MCF2L2: variants seen among roughly 807,000 people sequenced by gnomAD.
MCF2L2 encodes MCF.2 cell line derived transforming sequence-like 2.
MCF2L2 carries 102 observed loss-of-function variants against 150.2 expected under a neutral mutation model. The observed-to-expected ratio is 0.68, with a 90% CI of 0.58 to 0.80. The LOEUF (loss-of-function observed/expected upper bound fraction) is 0.80. Ranked by LOEUF, MCF2L2 falls within the 30% of genes least tolerant of loss-of-function variation. MCF2L2 has a pLI of 0.00. For missense variants in MCF2L2, 1,256 were observed against 1,372.8 expected (o/e 0.91, Z 1.34); for synonymous variants, 465 against 491.3 (o/e 0.95, Z 0.71).
At chr3:183,208,113 G>T (rs1221918473) in intron 22 of MCF2L2, among the ~76,000 whole-genome samples, 2 of 152,170 alleles carry the variant, frequency 1.3e-5, no homozygotes, top group African/African-American at 4.8e-5. Context: ...TGATATTTTT[G>T]ACTCAATTTT....
chr3:183,188,635 G>A (rs1477190899), intron 27 of MCF2L2, among the ~76,000 whole-genome samples: 2 of 152,158 alleles, frequency 1.3e-5, no homozygotes, highest in Non-Finnish European at 2.9e-5. Context: ...TCACGTCTAT[G>A]GCTGATTCTC....
chr3:183,338,763 C>T (rs778880009), intron 5 of MCF2L2, 37 bp downstream of exon 5: 5 of 1,574,662 alleles, frequency 3.2e-6, no homozygotes, highest in Non-Finnish European at 4.3e-6. Flanking sequence ...AGCCAGAAGC[C>T]CTAACCAAAT....
intron 3 of MCF2L2, among the ~76,000 whole-genome samples, chr3:183,368,440 G>A (rs1185756545): frequency 2.0e-5 from 3 of 152,172 alleles, no homozygotes; most frequent in African/African-American, 7.2e-5. Context: ...GTAGGGTTCA[G>A]TAGTTGAGGT....
In MCF2L2 at chr3:183,223,422, AGTT is replaced by A; in HGVS notation, c.2222_2224del (p.Gln741del). 6.2e-7 allele frequency: 1 copy of A among 1,614,058 alleles called. No individual in the cohort carries two copies. The highest frequency in any genetic ancestry group is 8.5e-7 in the Non-Finnish European group (1 of 1,179,870). ...CTTAAAAAGAGGGAGATTGTGATCC[AGTT>A]GGCGCTGGCATACCTTTAAAAGCCA... On this transcript the variant is annotated inframe_deletion, in exon 20 of 30. Transcript: ENST00000328913.
intron 15 of MCF2L2, among the ~76,000 whole-genome samples, chr3:183,268,391 G>C (rs765903082): frequency 1.6e-4 from 25 of 152,128 alleles, no homozygotes; most frequent in Non-Finnish European, 3.1e-4. Flanking sequence ...GTGGAAGGTG[G>C]GCTGGCCAGG....
At chr3:183,262,560 A>C (rs1457726716) in intron 15 of MCF2L2, among the ~76,000 whole-genome samples, 1 of 152,024 alleles carries the variant, frequency 6.6e-6, no homozygotes, top group Non-Finnish European at 1.5e-5. Context: ...GTCTCCCCCT[A>C]GTCCCGGCCC....
chr3:183,402,879 T>C (rs1351902803), intron 1 of MCF2L2, among the ~76,000 whole-genome samples: 1 of 151,012 alleles, frequency 6.6e-6, no homozygotes, highest in Non-Finnish European at 1.5e-5. Flanking sequence ...TATATATATA[T>C]ATACGAAATT....
chr3:183,372,138 A>AT (rs1478107792), intron 3 of MCF2L2: 1 of 151,238 alleles, frequency 6.6e-6, no homozygotes. Flanking sequence ...CCTGAGATTT[A>AT]TTTTCCCTTC....
rs757523007 is a variant in MCF2L2, at chr3:183,309,718, G to C, written c.1111C>G (p.Gln371Glu). 2.5e-6 allele frequency: 4 copies of C among 1,613,906 alleles called. No individual in the cohort carries two copies. The South Asian group carries it at 4.4e-5, about 18-fold the overall frequency. ...CACAAAAATGTCAGAAAGCAAACCT[G>C]GCTTTTTTCCTCCAGTTTTTTGTGT... is the stretch of plus-strand genomic sequence containing the variant. ...KEHKKLEEKS[Q>E]EPLEKAQLLA... is the part of the protein sequence containing the mutation. Residue 371 changes from glutamine (Q) to glutamate (E), a missense_variant and splice_region_variant, in exon 10 of 30, where the codon CAG becomes GAG. Transcript: ENST00000328913.
At chr3:183,301,060 T>C (rs1728822634) in intron 10 of MCF2L2, among the ~76,000 whole-genome samples, 1 of 151,682 alleles carries the variant, frequency 6.6e-6, no homozygotes. Context: ...TCTAAACCCT[T>C]TCCCAAAGCC....
At position 183,269,646 on chromosome 3, in the gene MCF2L2, A is replaced by G. The variant is rs1409642364; in HGVS notation, c.1862+7226T>C. On this transcript the variant is annotated intron_variant, in intron 15 of 29. Transcript: ENST00000328913. ...GCAATCTCAGAAAAATGGGACTAAAAGAAACTATTTTGTAAAATAAGAAGA... is the reference window on the plus strand; with the variant it reads ...GCAATCTCAGAAAAATGGGACTAAAGGAAACTATTTTGTAAAATAAGAAGA... 6 of 689,564 alleles carry G rather than the reference A, an allele frequency of 8.7e-6. No homozygotes were observed. In the Admixed American group the frequency reaches 1.4e-4, roughly 16 times the overall value. 42.7% of individuals were successfully genotyped at this position (689,564 alleles called of 1,614,324 possible).
chr3:183,295,499 A>G (rs372457668), intron 12 of MCF2L2, 22 bp from the exon 13 acceptor site: 22 of 1,612,052 alleles, frequency 1.4e-5, no homozygotes, highest in Non-Finnish European at 1.8e-5. Flanking sequence ...AAAGCAAATC[A>G]TGATGAACAG....
intron 8 of MCF2L2, 49 bp from the exon 9 acceptor site, chr3:183,311,078 C>T: frequency 2.5e-6 from 3 of 1,207,046 alleles, no homozygotes; most frequent in Non-Finnish European, 3.7e-6. Context: ...TTCATTTCCA[C>T]AGGCATCCAT....
At chr3:183,252,536 G>A (rs1003510142) in intron 15 of MCF2L2, among the ~76,000 whole-genome samples, 1 of 152,204 alleles carries the variant, frequency 6.6e-6, no homozygotes, top group African/African-American at 2.4e-5. Context: ...TTCTTTTAGA[G>A]ATGGGGTCTT....
Position 183,270,560 on chromosome 3 carries a change from C to T in MCF2L2, c.1862+6312G>A, listed in dbSNP as rs768000813. The T allele has an allele frequency of 1.4e-5, 23 of 1,614,004 alleles. No individual in the cohort carries two copies. Among genetic ancestry groups the T allele is most frequent in the African/African-American group, 6.7e-5 (5 of 74,906 alleles). ...GGCCAGCTTACCCTGACTACACAGC[C>T]GGAGCTGCCTATGTAATCTCCGGTG... is the stretch of plus-strand genomic sequence containing the variant. On this transcript the variant is annotated intron_variant, in intron 15 of 29. Transcript: ENST00000328913. This position sits in a 1 kb window ranked among gnomAD's most constrained non-coding sequence, Gnocchi z 4.5.
chr3:183,268,509 TGGG>T (rs58535820), intron 15 of MCF2L2, among the ~76,000 whole-genome samples: 3 of 148,390 alleles, frequency 2.0e-5, no homozygotes, highest in African/African-American at 7.6e-5. Flanking sequence ...GTGGAGAAAA[TGGG>T]GGGGGCGGTT....
intron 21 of MCF2L2, among the ~76,000 whole-genome samples, chr3:183,218,769 CCTT>C (rs1482441155): frequency 5.3e-4 from 81 of 152,300 alleles, no homozygotes; most frequent in Middle Eastern, 3.4e-3. Flanking sequence ...CGCTAACCCT[CCTT>C]CACAAAACAC....
At chr3:183,316,957 C>T (rs574781487) in intron 7 of MCF2L2, among the ~76,000 whole-genome samples, 3 of 152,246 alleles carry the variant, frequency 2.0e-5, no homozygotes, top group African/African-American at 7.2e-5. Context: ...CCGCCCACCT[C>T]GGCCTCCCAA....
rs2108646128 is a variant in MCF2L2 at position 183,205,736 on chromosome 3, G to A, written c.2884+140C>T. ...ACCACAGTGGAAATCAAGCATAGGTGCTTCCAGGGACTGTGAAAATGTGGC... is the reference window on the plus strand; with the variant it reads ...ACCACAGTGGAAATCAAGCATAGGTACTTCCAGGGACTGTGAAAATGTGGC... On this transcript the variant is annotated intron_variant, in intron 25 of 29. Transcript: ENST00000328913. The A allele has an allele frequency of 4.7e-6, 3 of 641,766 alleles. No individual in the cohort carries two copies. In the East Asian group the frequency reaches 8.4e-5, roughly 18 times the overall value. 39.8% of individuals were successfully genotyped at this position (641,766 alleles called of 1,614,324 possible).
Sources: gnomAD v4.1 joint callset for allele counts (sites outside exome capture counted in the v4.1 genomes callset) on GRCh38, gnomAD v4.1.1 for gene constraint, Gnocchi (gnomAD v3.1) non-coding constraint, MANE v1.5 for transcripts, NCBI Gene and HGNC (gene_info 2026-07-23, HGNC 2026-07-21) for gene names.